WDR27: variants seen among roughly 807,000 people sequenced by gnomAD.
WDR27 encodes the protein WD repeat-containing protein 27.
A neutral mutation model predicts 114.4 loss-of-function variants in WDR27; 100 were observed. The ratio of observed to expected loss-of-function variants is 0.87; its 90% CI spans 0.74 to 1.03. The LOEUF (loss-of-function observed/expected upper bound fraction) is 1.03, where lower values mean the gene tolerates loss of function less well. Among genes scored for constraint, WDR27 ranks in the 50% least tolerant of loss-of-function variants. The pLI, the probability that WDR27 is intolerant of heterozygous loss-of-function variation, is 0.00. For synonymous variants in WDR27, 449 were observed against 423.1 expected, an observed-to-expected ratio of 1.06 and a Z score of -0.75; for missense variants, 1,129 against 1,092.9, an observed-to-expected ratio of 1.03 and a Z score of -0.47.
intron 25 of WDR27, among the ~76,000 whole-genome samples, chr6:169,568,219 G>A (rs2128124072): frequency 6.6e-6 from 1 of 152,254 alleles, no homozygotes; most frequent in Admixed American, 6.5e-5. Context: ...GTGAGTCCCA[G>A]GCTCTGCCAC....
intron 25 of WDR27, among the ~76,000 whole-genome samples, chr6:169,461,658 C>G (rs2208729): frequency 6.8e-6 from 1 of 146,498 alleles, no homozygotes; most frequent in East Asian, 2.0e-4. Flanking sequence ...AAAAAAAAAA[C>G]AAAACAAGAA....
At chr6:169,656,602 G>A (rs183145995) in intron 13 of WDR27, among the ~76,000 whole-genome samples, 1 of 152,206 alleles carries the variant, frequency 6.6e-6, no homozygotes, top group East Asian at 1.9e-4. Flanking sequence ...GGGATCACGT[G>A]AGGAGGCCTG....
downstream of WDR27, among the ~76,000 whole-genome samples, chr6:169,454,371 C>G (rs368762721): frequency 2.0e-5 from 3 of 152,066 alleles, no homozygotes; most frequent in Admixed American, 1.3e-4. Context: ...CCTGGTTCCT[C>G]CAGGCTGCTT....
chr6:169,551,388 A>G lies in WDR27; in HGVS notation c.2645+21031T>C, dbSNP rs969446913. Reference sequence around the variant, plus strand: ...ACCACTATCTCTCCTGATTTACTCCAGGCACCTCCTAGTTGGTCTCCTGTG... The same window carrying G: ...ACCACTATCTCTCCTGATTTACTCCGGGCACCTCCTAGTTGGTCTCCTGTG... On this transcript the variant is annotated intron_variant, in intron 25 of 25. Coordinates refer to ENST00000448612, the MANE Select transcript of WDR27 (RefSeq NM_182552.5). Among the ~76,000 whole-genome samples, 4 of 152,260 alleles carry G rather than the reference A, an allele frequency of 2.6e-5. No individual in the cohort carries two copies. In the East Asian group the frequency reaches 5.8e-4, roughly 22 times the overall value.
At chr6:169,437,192 A>C in the WDR27 span, among the ~76,000 whole-genome samples, 138 of 152,300 alleles carry the variant, frequency 9.1e-4, no homozygotes, top group African/African-American at 3.2e-3. Flanking sequence ...TGGAGAGTTT[A>C]TGAAGGATGG....
chr6:169,605,977 A>C (rs1809085744), intron 22 of WDR27, among the ~76,000 whole-genome samples: 1 of 152,230 alleles, frequency 6.6e-6, no homozygotes, highest in Admixed American at 6.5e-5. Context: ...TAAAGACTTA[A>C]GTGTAAAACC....
At chr6:169,640,087 C>T (rs1818784822) in intron 17 of WDR27, among the ~76,000 whole-genome samples, 1 of 152,164 alleles carries the variant, frequency 6.6e-6, no homozygotes. Flanking sequence ...CAGCCTCACT[C>T]ATGCTTCCTG....
At chr6:169,474,501 T>C (rs1214948563) in intron 25 of WDR27, among the ~76,000 whole-genome samples, 1 of 152,214 alleles carries the variant, frequency 6.6e-6, no homozygotes, top group Non-Finnish European at 1.5e-5. Flanking sequence ...ATGATAAACA[T>C]TTAATTCATG....
intron 25 of WDR27, among the ~76,000 whole-genome samples, chr6:169,538,607 T>C (rs1796467264): frequency 6.6e-6 from 1 of 151,952 alleles, no homozygotes; most frequent in Non-Finnish European, 1.5e-5. Context: ...GGAAAACTCA[T>C]CTCCCTCTAG....
intron 25 of WDR27, among the ~76,000 whole-genome samples, chr6:169,562,047 TAAAC>T (rs1399057439): frequency 2.6e-5 from 4 of 152,110 alleles, no homozygotes; most frequent in African/African-American, 9.6e-5. Context: ...AGCTTTGAAA[TAAAC>T]AAAACAAAAA....
At chr6:169,595,364 G>A (rs1209129288) in intron 23 of WDR27, among the ~76,000 whole-genome samples, 1 of 152,114 alleles carries the variant, frequency 6.6e-6, no homozygotes, top group African/African-American at 2.4e-5. Context: ...AAAGCTTTAT[G>A]CAAAACTCTT....
the WDR27 span, among the ~76,000 whole-genome samples, chr6:169,444,061 G>A: frequency 6.6e-6 from 1 of 152,162 alleles, no homozygotes; most frequent in African/African-American, 2.4e-5. Context: ...CTATTCCCAG[G>A]GTCTGGGGCT....
rs556661663 is a variant in WDR27, at chr6:169,482,474, G to A, written c.2646-24840C>T. Among the ~76,000 whole-genome samples, 26 of 152,184 alleles carry A rather than the reference G, an allele frequency of 1.7e-4. No individual in the cohort carries two copies. In the South Asian group the frequency reaches 5.4e-3, roughly 32 times the overall value. Reference sequence around the variant, plus strand: ...ATTGCCATTCTGACTGGTATGAGATGGTATCTCATTATGGCTTTGATTTGC... The same window carrying A: ...ATTGCCATTCTGACTGGTATGAGATAGTATCTCATTATGGCTTTGATTTGC... On this transcript the variant is annotated intron_variant, in intron 25 of 25. Coordinates refer to ENST00000448612, the MANE Select transcript of WDR27 (RefSeq NM_182552.5).
intron 25 of WDR27, among the ~76,000 whole-genome samples, chr6:169,539,168 G>A (rs914197129): frequency 6.6e-6 from 1 of 152,062 alleles, no homozygotes. Context: ...AGTTGTTTCC[G>A]TCGCACAGCC....
chr6:169,528,932 C>T (rs1179491257), intron 25 of WDR27, among the ~76,000 whole-genome samples: 2 of 152,130 alleles, frequency 1.3e-5, no homozygotes, highest in African/African-American at 2.4e-5. Flanking sequence ...CAATATGTAT[C>T]AACAGCTATT....
chr6:169,470,576 C>T (rs764204011), intron 25 of WDR27, among the ~76,000 whole-genome samples: 7 of 152,180 alleles, frequency 4.6e-5, no homozygotes, highest in African/African-American at 1.4e-4. Context: ...TGAGGACTTG[C>T]GCGGTTGCCT....
At position 169,672,313 on chromosome 6, in the gene WDR27, T is replaced by A; in HGVS notation, c.273A>T (p.Ala91=). The A allele has an allele frequency of 6.2e-7, 1 of 1,613,826 alleles. No individual in the cohort carries two copies. Among genetic ancestry groups the A allele is most frequent in the Non-Finnish European group, 8.5e-7 (1 of 1,179,764 alleles). ...NKVNPLLICS[A]SLDYVIMWNL... Reference sequence around the variant, plus strand: ...TCCACATTATAACATAATCCAGTGATGCTGAGCAGATTAGAAGTGGGTTCA... The same window carrying A: ...TCCACATTATAACATAATCCAGTGAAGCTGAGCAGATTAGAAGTGGGTTCA... The change falls in exon 3 of 26, where the codon GCA becomes GCT. Residue 91 remains alanine (A), a synonymous_variant. Coordinates refer to ENST00000448612, the MANE Select transcript of WDR27 (RefSeq NM_182552.5).
rs1782366984 is a variant in WDR27 at position 169,684,375 on chromosome 6, G to T, written c.189+4442C>A. Among the ~76,000 whole-genome samples the T allele has an allele frequency of 6.6e-6, 1 of 152,114 alleles. No homozygotes were observed. The highest frequency in any genetic ancestry group is 2.4e-5 in the African/African-American group (1 of 41,414). The stretch of plus-strand genomic sequence containing the variant: ...CCCCAAGAAGAAATACTTCTGGGCT[G>T]CCCAATGTCCCCGAGTCTCCAATAA... On this transcript the variant is annotated intron_variant, in intron 2 of 25. Transcript: ENST00000448612. The surrounding 1 kb of genome is among the most constrained non-coding windows in gnomAD (Gnocchi z 4.3).
At chr6:169,480,432 C>A (rs371201977) in intron 25 of WDR27, among the ~76,000 whole-genome samples, 9 of 152,372 alleles carry the variant, frequency 5.9e-5, no homozygotes, top group African/African-American at 2.2e-4. Flanking sequence ...TGCAGGCGTG[C>A]AGCGTGGGAC....
Sources: gnomAD v4.1 joint callset for allele counts (sites outside exome capture counted in the v4.1 genomes callset) on GRCh38, gnomAD v4.1.1 for gene constraint, Gnocchi (gnomAD v3.1) non-coding constraint, MANE v1.5 for transcripts, NCBI Gene and HGNC (gene_info 2026-07-23, HGNC 2026-07-21) for gene names.